The following RUFY1 variants were observed in gnomAD, a reference collection of about 807,000 sequenced individuals.
RUFY1 encodes RUN and FYVE domain-containing protein 1.
In RUFY1, 54 loss-of-function variants were observed where a neutral mutation model predicts 94.6. The observed-to-expected ratio is 0.57, with a 90% confidence interval of 0.46 to 0.72. RUFY1 has a LOEUF of 0.72. RUFY1 is among the 30% of genes least tolerant of loss of function. The pLI, the probability that RUFY1 is intolerant of heterozygous loss-of-function variation, is 0.00. For missense variants in RUFY1, 883 were observed against 883.9 expected (o/e 1.00, Z 0.01); for synonymous variants, 396 against 347.3 (o/e 1.14, Z -1.56).
intron 5 of RUFY1, among the ~76,000 whole-genome samples, chr5:179,576,290 T>A (rs1207144731): frequency 3.9e-5 from 6 of 152,252 alleles, no homozygotes; most frequent in Non-Finnish European, 8.8e-5. Flanking sequence ...TTTAGATGTG[T>A]AAGGGGTCTT....
chr5:179,607,959 G>A (rs1419507260), intron 17 of RUFY1, among the ~76,000 whole-genome samples: 1 of 152,228 alleles, frequency 6.6e-6, no homozygotes, highest in East Asian at 1.9e-4. Context: ...CTCTAGGGGA[G>A]TGTCATTGAA....
intron 16 of RUFY1, 186 bp from the exon 17 acceptor site, chr5:179,607,396 C>T (rs1343590634): frequency 6.6e-6 from 4 of 603,672 alleles, no homozygotes; most frequent in African/African-American, 5.6e-5. Context: ...ATGCAGAAAT[C>T]CCGGCTGCGG....
chr5:179,560,934 G>A (rs1353722235), intron 2 of RUFY1, among the ~76,000 whole-genome samples: 1 of 152,030 alleles, frequency 6.6e-6, no homozygotes, highest in Non-Finnish European at 1.5e-5. Flanking sequence ...ATTAGGCCAG[G>A]CGCGGTGGCT....
In RUFY1 at chr5:179,591,754, G is replaced by A; in HGVS notation, c.1245+13G>A. Reference sequence around the variant, plus strand: ...GAAAGTCCGGTTGGTGAGTGTGCAAGACCGAGTGTCTTTAGAAAGAGTTTC... The same window carrying A: ...GAAAGTCCGGTTGGTGAGTGTGCAAAACCGAGTGTCTTTAGAAAGAGTTTC... On this transcript the variant is annotated intron_variant, in intron 10 of 17. Coordinates refer to ENST00000319449, the MANE Select transcript of RUFY1 (RefSeq NM_025158.5). 6.9e-7 allele frequency: 1 copy of A among 1,457,224 alleles called. No homozygotes were observed. Among genetic ancestry groups the A allele is most frequent in the Non-Finnish European group, 9.5e-7 (1 of 1,051,110 alleles). 90.3% of individuals were successfully genotyped at this position (1,457,224 alleles called of 1,614,324 possible).
chr5:179,566,462 T>C (rs1192076784), intron 3 of RUFY1, among the ~76,000 whole-genome samples: 1 of 151,776 alleles, frequency 6.6e-6, no homozygotes, highest in East Asian at 1.9e-4. Context: ...AAAAATTAGC[T>C]GGGCGTGGTG....
chr5:179,587,506 C>T (rs1333951626), intron 8 of RUFY1, among the ~76,000 whole-genome samples: 1 of 150,600 alleles, frequency 6.6e-6, no homozygotes, highest in East Asian at 2.0e-4. Context: ...ATTCTCCTGC[C>T]TCAGCCTCCC....
intron 14 of RUFY1, among the ~76,000 whole-genome samples, chr5:179,600,836 G>A (rs1042500360): frequency 6.6e-6 from 1 of 150,860 alleles, no homozygotes; most frequent in Non-Finnish European, 1.5e-5. Context: ...AGTTGGGATT[G>A]CAGGCATGTG....
chr5:179,552,399 G>C (rs1247248408), intron 1 of RUFY1, among the ~76,000 whole-genome samples: 2 of 152,250 alleles, frequency 1.3e-5, no homozygotes, highest in East Asian at 3.9e-4. Context: ...TACCTTTGCT[G>C]TAGATGCACT....
chr5:179,601,694 CTG>C (rs1378240107), intron 14 of RUFY1, among the ~76,000 whole-genome samples, 196 bp from the exon 15 acceptor site: 1 of 151,516 alleles, frequency 6.6e-6, no homozygotes, highest in African/African-American at 2.4e-5. Flanking sequence ...TGGCGGGCAC[CTG>C]TAGTCCCAGC....
At chr5:179,555,327 TTC>T (rs1344771939) in intron 1 of RUFY1, among the ~76,000 whole-genome samples, 1 of 152,106 alleles carries the variant, frequency 6.6e-6, no homozygotes, top group African/African-American at 2.4e-5. Flanking sequence ...CTTCACGATA[TTC>T]TCTGTGTCAT....
At chr5:179,609,328 A>C (rs1412284726) in intron 17 of RUFY1, 48 bp from the exon 18 acceptor site, 1 of 1,594,390 alleles carries the variant, frequency 6.3e-7, no homozygotes, top group South Asian at 1.1e-5. Flanking sequence ...GGGTGTGCGG[A>C]TGGCTTTTCC....
At chr5:179,607,514 GA>G (rs1767227841) in intron 16 of RUFY1, 67 bp from the exon 17 acceptor site, 1 of 1,341,950 alleles carries the variant, frequency 7.5e-7, no homozygotes, top group East Asian at 2.3e-5. Context: ...GATGTGGCCA[GA>G]ACGCAGCTAC....
chr5:179,596,976 C>T, intron 13 of RUFY1: 1 of 366,916 alleles, frequency 2.7e-6, no homozygotes, highest in Non-Finnish European at 4.9e-6. Flanking sequence ...AAAGAAACAG[C>T]TTTGTCAGTG....
intron 3 of RUFY1, 125 bp from the exon 4 acceptor site, chr5:179,567,336 A>G (rs1339567642): frequency 2.8e-6 from 2 of 712,404 alleles, no homozygotes; most frequent in East Asian, 5.5e-5. Flanking sequence ...CCAAACAGCC[A>G]TTCTTAGAGT....
At chr5:179,570,991 A>G (rs953683759) in intron 5 of RUFY1, among the ~76,000 whole-genome samples, 2 of 152,166 alleles carry the variant, frequency 1.3e-5, no homozygotes, top group South Asian at 4.1e-4. Context: ...TGTATTTTAG[A>G]GTGAGATGTT....
chr5:179,605,557 C>T (rs987195244), intron 15 of RUFY1, among the ~76,000 whole-genome samples: 4 of 152,148 alleles, frequency 2.6e-5, no homozygotes, highest in Admixed American at 6.5e-5. Context: ...AGAACAGGGC[C>T]AGGTCTTGGA....
At chr5:179,587,492 C>T (rs1341506013) in intron 8 of RUFY1, among the ~76,000 whole-genome samples, 2 of 148,082 alleles carry the variant, frequency 1.4e-5, no homozygotes, top group Admixed American at 6.8e-5. Context: ...CCCGGGTTCA[C>T]GCCATTCTCC....
Position 179,569,360 on chromosome 5 carries a change from C to T in RUFY1, c.763C>T (p.Leu255=). ...MEEEGMVIVG[L]LVGLNVLDAN... ...GGAAGAAGGGATGGTGATTGTTGGT[C>T]TGCTGGTGGGACTCAATGTTCTCGA... Residue 255 remains leucine (L), a synonymous_variant, in exon 5 of 18, where the codon CTG becomes TTG. Transcript: ENST00000319449. 1 of 1,613,628 alleles carries T rather than the reference C, an allele frequency of 6.2e-7. No homozygotes were observed.
At chr5:179,605,828 GCCTCACT>G in intron 15 of RUFY1, 41 bp from the exon 16 acceptor site, 1 of 1,239,764 alleles carries the variant, frequency 8.1e-7, no homozygotes, top group East Asian at 2.3e-5. Context: ...GGGATTCAGA[GCCTCACT>G]CTCTCTCACT....
Sources: gnomAD v4.1 joint callset for allele counts (sites outside exome capture counted in the v4.1 genomes callset) on GRCh38, gnomAD v4.1.1 for gene constraint, MANE v1.5 for transcripts, NCBI Gene and HGNC (gene_info 2026-07-23, HGNC 2026-07-21) for gene names.